PLCL2: variants seen among roughly 807,000 people sequenced by gnomAD.
PLCL2 encodes inactive phospholipase C-like protein 2.
PLCL2 carries 4 observed loss-of-function variants against 79.6 expected under a neutral mutation model. The ratio of observed to expected loss-of-function variants is 0.05; its 90% confidence interval spans 0.02 to 0.11. The LOEUF is 0.11. Ranked by LOEUF, PLCL2 falls within the 10% of genes least tolerant of loss-of-function variation. The pLI is 1.00. For missense variants in PLCL2, 895 were observed against 1,291.0 expected, an observed-to-expected ratio of 0.69 and a Z score of 4.70; for synonymous variants, 484 against 457.7, an observed-to-expected ratio of 1.06 and a Z score of -0.73.
chr3:16,933,732 A>G (rs1193050476), intron 1 of PLCL2, among the ~76,000 whole-genome samples: 3 of 150,808 alleles, frequency 2.0e-5, no homozygotes, highest in African/African-American at 7.3e-5. Flanking sequence ...GGATGTGTAA[A>G]GTACACATCC....
chr3:17,010,931 A>G lies in PLCL2; in HGVS notation c.1585A>G (p.Lys529Glu). ...LENHCSIKQQKVMVQHMKKLL... is the reference protein window; with the variant it reads ...LENHCSIKQQEVMVQHMKKLL... ...AAACCACTGTTCCATTAAACAACAG[A>G]AGGTAATGGTTCAGCACATGAAGAA... The change falls in exon 2 of 6, where the codon AAG becomes GAG. Residue 529 changes from lysine to glutamate, a missense_variant. Physicochemically the swap from Lys to Glu is moderately conservative, Grantham distance 56 (BLOSUM62 1). Coordinates refer to ENST00000615277, the MANE Select transcript of PLCL2 (RefSeq NM_001144382.2). This position sits in a 1 kb window ranked among gnomAD's most constrained non-coding sequence, Gnocchi z 5.8. The G allele has an allele frequency of 6.2e-7, 1 of 1,614,126 alleles. No homozygotes were observed. The highest frequency in any genetic ancestry group is 1.1e-5 in the South Asian group (1 of 91,084).
intron 3 of PLCL2, among the ~76,000 whole-genome samples, chr3:17,024,433 C>T (rs780830743): frequency 8.5e-5 from 13 of 152,222 alleles, no homozygotes; most frequent in Non-Finnish European, 1.5e-4. Context: ...GCATCAAACA[C>T]TACTGGCAAT....
At chr3:16,900,321 T>C (rs1696587728) in intron 1 of PLCL2, among the ~76,000 whole-genome samples, 2 of 152,182 alleles carry the variant, frequency 1.3e-5, no homozygotes, top group African/African-American at 4.8e-5. Flanking sequence ...AAAAAGACAA[T>C]AAAAATTTTA....
chr3:16,957,070 G>C (rs1273720887), intron 1 of PLCL2, among the ~76,000 whole-genome samples: 1 of 152,094 alleles, frequency 6.6e-6, no homozygotes, highest in Non-Finnish European at 1.5e-5. Flanking sequence ...TCTTCTGCTA[G>C]CTTTTGCATG....
At chr3:17,047,227 G>A (rs2064789472) in intron 4 of PLCL2, among the ~76,000 whole-genome samples, 1 of 152,234 alleles carries the variant, frequency 6.6e-6, no homozygotes, top group Non-Finnish European at 1.5e-5. Flanking sequence ...CAGGAACTGA[G>A]GATGTTCCCA....
At chr3:16,943,219 A>C (rs2063568203) in intron 1 of PLCL2, among the ~76,000 whole-genome samples, 1 of 152,222 alleles carries the variant, frequency 6.6e-6, no homozygotes, top group Non-Finnish European at 1.5e-5. Context: ...TGCTTCTTGA[A>C]GTCAGACACT....
At chr3:16,984,983 G>A (rs969319732) in intron 1 of PLCL2, among the ~76,000 whole-genome samples, 2 of 151,964 alleles carry the variant, frequency 1.3e-5, no homozygotes, top group Non-Finnish European at 2.9e-5. Flanking sequence ...TGAATAAATA[G>A]ATTACTTGAA....
chr3:16,927,886 G>A (rs1041490494), intron 1 of PLCL2, among the ~76,000 whole-genome samples: 1 of 152,226 alleles, frequency 6.6e-6, no homozygotes, highest in African/African-American at 2.4e-5. Flanking sequence ...GCAAAAAATT[G>A]TCAGAGCTTT....
In PLCL2 at chr3:17,014,873, C is replaced by T; in HGVS notation, c.2980C>T (p.Pro994Ser). 1 of 1,614,044 alleles carries T rather than the reference C, an allele frequency of 6.2e-7. No homozygotes were observed. The highest frequency in any genetic ancestry group is 8.5e-7 in the Non-Finnish European group (1 of 1,179,952). ...YPTMELQGIV[P>S]EVLKKIVTTY... is the part of the protein sequence containing the mutation. ...CACAATGGAGCTGCAGGGAATTGTG[C>T]CGGAGGTTCTGAAGAAGATCGTAAC... Residue 994 changes from proline to serine, a missense_variant, in exon 3 of 6, where the codon CCG (proline) becomes TCG (serine). Pro to Ser is a moderately conservative substitution (Grantham distance 74). Transcript: ENST00000615277.
At chr3:16,925,226 GT>G (rs35171172) in intron 1 of PLCL2, among the ~76,000 whole-genome samples, 57,681 of 144,568 alleles carry the variant, frequency 0.4, 11,261 homozygotes, top group East Asian at 0.6. Context: ...CCCGGCCAGG[GT>G]TTTTTTTTTT....
At chr3:17,006,593 G>A (rs551184690) in intron 1 of PLCL2, among the ~76,000 whole-genome samples, 10 of 152,318 alleles carry the variant, frequency 6.6e-5, no homozygotes, top group African/African-American at 2.4e-4. Context: ...GTGTGCTATG[G>A]AGACAGTTCT....
intron 1 of PLCL2, among the ~76,000 whole-genome samples, chr3:17,002,321 G>T (rs967356282): frequency 3.3e-5 from 5 of 152,056 alleles, no homozygotes; most frequent in Admixed American, 3.3e-4. Flanking sequence ...AGGACAGTTT[G>T]ACTTATTTCT....
chr3:17,063,363 A>G (rs1475095758), intron 4 of PLCL2, among the ~76,000 whole-genome samples: 1 of 132,308 alleles, frequency 7.6e-6, no homozygotes, highest in Non-Finnish European at 1.6e-5. Context: ...TTTCTGATAT[A>G]CCCCTCTAAT....
chr3:16,885,070 G>A lies in PLCL2; in HGVS notation c.31G>A (p.Gly11Ser), dbSNP rs1168940962. Residue 11 changes from glycine (G) to serine (S), a missense_variant, in exon 1 of 6, where the codon GGC becomes AGC. Transcript: ENST00000615277. MAECGRGGAA[G>S]GALPTSPGPA... is the part of the protein sequence containing the mutation. Reference sequence around the variant, plus strand: ...GGAGTGCGGCCGGGGGGGCGCCGCCGGCGGGGCCCTGCCCACCTCCCCGGG... The same window carrying A: ...GGAGTGCGGCCGGGGGGGCGCCGCCAGCGGGGCCCTGCCCACCTCCCCGGG... 3 of 383,826 alleles carry A rather than the reference G, an allele frequency of 7.8e-6. No homozygotes were observed. In the East Asian group the frequency reaches 1.1e-4, roughly 14 times the overall value. The allele number at this position is 383,826 out of a possible 1,614,324, so 23.8% of individuals were successfully genotyped here.
At chr3:16,911,288 T>A (rs1415167469) in intron 1 of PLCL2, among the ~76,000 whole-genome samples, 1 of 150,828 alleles carries the variant, frequency 6.6e-6, no homozygotes, top group Non-Finnish European at 1.5e-5. Context: ...TGAGCACAGC[T>A]CTGATTTGAA....
intron 1 of PLCL2, among the ~76,000 whole-genome samples, chr3:16,947,603 G>A (rs2063614567): frequency 6.6e-6 from 1 of 152,130 alleles, no homozygotes; most frequent in Non-Finnish European, 1.5e-5. Context: ...CTTTTCAACA[G>A]TTTTGTCTCC....
chr3:16,950,837 G>A (rs1176640495), intron 1 of PLCL2, among the ~76,000 whole-genome samples: 1 of 152,024 alleles, frequency 6.6e-6, no homozygotes, highest in Admixed American at 6.6e-5. Flanking sequence ...GACCTTCATA[G>A]ATTTTTTTCT....
chr3:16,943,662 T>G lies in PLCL2; in HGVS notation c.327+58296T>G, dbSNP rs574357166. ...TAACATATGTGTTTTTAAAAGATTG[T>G]TCTAAAATGTTATTATCTGCTTAAA... is the stretch of plus-strand genomic sequence containing the variant. On this transcript the variant is annotated intron_variant, in intron 1 of 5. Transcript: ENST00000615277. Among the ~76,000 whole-genome samples the G allele has an allele frequency of 5.0e-4, 76 of 152,342 alleles. 1 individual carries two copies. The South Asian group carries it at 0.014, about 28-fold the overall frequency.
intron 1 of PLCL2, among the ~76,000 whole-genome samples, chr3:16,894,590 A>T (rs972903064): frequency 2.0e-5 from 3 of 152,194 alleles, no homozygotes; most frequent in African/African-American, 7.2e-5. Context: ...AAATGCACAC[A>T]TTTGGTATTA....
Sources: gnomAD v4.1 joint callset for allele counts (sites outside exome capture counted in the v4.1 genomes callset) on GRCh38, gnomAD v4.1.1 for gene constraint, Gnocchi (gnomAD v3.1) non-coding constraint, MANE v1.5 for transcripts, NCBI Gene and HGNC (gene_info 2026-07-23, HGNC 2026-07-21) for gene names.